Variants in ETV6 observed in about 807,000 individuals in gnomAD.
ETV6 encodes ETS variant transcription factor 6.
Under a neutral mutation model 51.1 loss-of-function variants are expected in ETV6, and 16 were observed. The observed-to-expected ratio is 0.31, with a 90% CI of 0.21 to 0.48. The LOEUF (loss-of-function observed/expected upper bound fraction) is 0.48. Among genes scored for constraint, ETV6 ranks in the 20% least tolerant of loss-of-function variants. The pLI, the probability that ETV6 is intolerant of heterozygous loss-of-function variation, is 0.99. For missense variants in ETV6, 458 were observed against 594.8 expected (o/e 0.77, Z 2.39); for synonymous variants, 240 against 224.1 (o/e 1.07, Z -0.64).
intron 1 of ETV6, among the ~76,000 whole-genome samples, chr12:11,734,540 AAAGAAG>A (rs1189322773): frequency 6.6e-6 from 1 of 151,952 alleles, no homozygotes; most frequent in Admixed American, 6.6e-5. Context: ...AAAAAAAAAA[AAAGAAG>A]AAGAAGAAAT....
At chr12:11,698,258 A>AACATCT (rs1864915931) in intron 1 of ETV6, among the ~76,000 whole-genome samples, 2 of 152,216 alleles carry the variant, frequency 1.3e-5, no homozygotes, top group African/African-American at 4.8e-5. Flanking sequence ...CATCTGCATT[A>AACATCT]GTATTAGTTT....
intron 5 of ETV6, among the ~76,000 whole-genome samples, chr12:11,871,621 T>C (rs899242658): frequency 1.3e-5 from 2 of 152,126 alleles, no homozygotes; most frequent in Non-Finnish European, 2.9e-5. Flanking sequence ...GAAAATAAAA[T>C]GGCAAACAAA....
At chr12:11,874,310 G>T (rs1946929304) in intron 5 of ETV6, among the ~76,000 whole-genome samples, 1 of 151,630 alleles carries the variant, frequency 6.6e-6, no homozygotes, top group Non-Finnish European at 1.5e-5. Context: ...CTGGAAGGTG[G>T]AGGTTGTAAT....
At chr12:11,710,849 G>A (rs1031648740) in intron 1 of ETV6, among the ~76,000 whole-genome samples, 1 of 152,156 alleles carries the variant, frequency 6.6e-6, no homozygotes, top group Non-Finnish European at 1.5e-5. Context: ...GGACATGATG[G>A]TTAGTGTAGG....
intron 1 of ETV6, among the ~76,000 whole-genome samples, chr12:11,744,975 A>G (rs1865881437): frequency 6.6e-6 from 1 of 151,798 alleles, no homozygotes; most frequent in Non-Finnish European, 1.5e-5. Flanking sequence ...AAAATGTTTT[A>G]AAATGGGAAC....
intron 2 of ETV6, 54 bp from the exon 3 acceptor site, chr12:11,839,082 GCTGT>G: frequency 6.5e-7 from 1 of 1,548,090 alleles, no homozygotes; most frequent in Non-Finnish European, 8.8e-7. Flanking sequence ...CTTTATTCCA[GCTGT>G]CTAACTGACA....
chr12:11,821,020 G>T (rs2136435022), intron 2 of ETV6, among the ~76,000 whole-genome samples: 1 of 152,238 alleles, frequency 6.6e-6, no homozygotes, highest in East Asian at 1.9e-4. Flanking sequence ...GATACATTTG[G>T]AAGGCAGAGC....
At chr12:11,742,545 C>T (rs1179572113) in intron 1 of ETV6, among the ~76,000 whole-genome samples, 1 of 152,088 alleles carries the variant, frequency 6.6e-6, no homozygotes, top group East Asian at 1.9e-4. Context: ...GTTACTTTTT[C>T]GAGTTATAAA....
chr12:11,853,683 G>T, intron 4 of ETV6, 122 bp downstream of exon 4: 1 of 1,121,486 alleles, frequency 8.9e-7, no homozygotes, highest in Non-Finnish European at 1.3e-6. Flanking sequence ...GACAATTATT[G>T]AGTGCTTACT....
intron 4 of ETV6, among the ~76,000 whole-genome samples, chr12:11,865,968 CTG>C (rs1299391883): frequency 6.6e-6 from 1 of 152,010 alleles, no homozygotes; most frequent in Non-Finnish European, 1.5e-5. Flanking sequence ...TTATTCTACT[CTG>C]TTTTTTTCTA....
intron 1 of ETV6, among the ~76,000 whole-genome samples, chr12:11,651,185 C>G (rs1443839876): frequency 1.3e-5 from 2 of 152,232 alleles, no homozygotes; most frequent in African/African-American, 4.8e-5. Flanking sequence ...GCCTTCCGCT[C>G]TTGTGAGAGG....
chr12:11,719,890 C>T (rs1023844336), intron 1 of ETV6, among the ~76,000 whole-genome samples: 4 of 152,188 alleles, frequency 2.6e-5, no homozygotes, highest in African/African-American at 7.2e-5. Flanking sequence ...CCTGTGGTGA[C>T]GCCAAGGGCA....
chr12:11,802,853 A>T (rs1287607377), intron 2 of ETV6, among the ~76,000 whole-genome samples: 1 of 152,174 alleles, frequency 6.6e-6, no homozygotes, highest in Non-Finnish European at 1.5e-5. Flanking sequence ...CTTAGTTTGA[A>T]AGTTTGGTCT....
intron 1 of ETV6, among the ~76,000 whole-genome samples, chr12:11,740,612 A>G (rs1451735029): frequency 6.6e-6 from 1 of 152,232 alleles, no homozygotes; most frequent in East Asian, 1.9e-4. Context: ...AAGGAAGGAT[A>G]GATAGAATAC....
chr12:11,660,675 C>T (rs1314440476), intron 1 of ETV6, among the ~76,000 whole-genome samples: 1 of 150,296 alleles, frequency 6.7e-6, no homozygotes, highest in Non-Finnish European at 1.5e-5. Context: ...CTTTAAAGAA[C>T]TCAGACTAGG....
intron 1 of ETV6, among the ~76,000 whole-genome samples, chr12:11,702,967 G>A (rs1396305924): frequency 2.6e-5 from 4 of 152,166 alleles, no homozygotes; most frequent in Non-Finnish European, 1.5e-5. Flanking sequence ...TTAGCTGGGC[G>A]TGGTGGCACA....
At chr12:11,693,073 A>G (rs1864797677) in intron 1 of ETV6, among the ~76,000 whole-genome samples, 1 of 152,158 alleles carries the variant, frequency 6.6e-6, no homozygotes, top group South Asian at 2.1e-4. Context: ...TAAAAATAAA[A>G]TAGAATGCAT....
Position 11,869,429 on chromosome 12 carries a change from T to C in ETV6, c.469T>C (p.Cys157Arg). The change falls in exon 5 of 8, where the codon TGT becomes CGT. Residue 157 changes from cysteine to arginine, a missense_variant. This residue lies in a region of ETV6 where 293 missense variants were observed against 315.7 expected (regional missense o/e 0.93). Coordinates refer to ENST00000396373, the MANE Select transcript of ETV6 (RefSeq NM_001987.5). This position sits in a 1 kb window ranked among gnomAD's most constrained non-coding sequence, Gnocchi z 5.0. ...ILHQNHEEDN[C>R]VQRTPRPSVD... Reference sequence around the variant, plus strand: ...TCTTTCCCTCTGCTCCACAGATAACTGTGTCCAGAGGACCCCCAGGCCATC... The same window carrying C: ...TCTTTCCCTCTGCTCCACAGATAACCGTGTCCAGAGGACCCCCAGGCCATC... 5.0e-6 allele frequency: 8 copies of C among 1,606,450 alleles called. No individual in the cohort carries two copies. Among genetic ancestry groups the C allele is most frequent in the Non-Finnish European group, 6.8e-6 (8 of 1,175,644 alleles).
chr12:11,872,465 C>T (rs1488175878), intron 5 of ETV6, among the ~76,000 whole-genome samples: 1 of 149,992 alleles, frequency 6.7e-6, no homozygotes, highest in Non-Finnish European at 1.5e-5. Context: ...TTGTAAATTT[C>T]AAAATATTAG....
Sources: allele counts gnomAD v4.1 joint callset (sites outside exome capture counted in the v4.1 genomes callset), GRCh38; gene constraint gnomAD v4.1.1; regional missense constraint gnomAD v4.1.1; non-coding constraint Gnocchi (gnomAD v3.1); transcripts MANE v1.5; gene names NCBI Gene and HGNC (gene_info 2026-07-23, HGNC 2026-07-21).